CDH20: variants seen among roughly 807,000 people sequenced by gnomAD.
The protein encoded by CDH20 is cadherin 20.
Under a neutral mutation model 74.2 loss-of-function variants are expected in CDH20, and 29 were observed. The observed-to-expected ratio is 0.39, with a 90% CI of 0.29 to 0.53. The LOEUF is 0.53. Ranked by LOEUF, CDH20 falls within the 20% of genes least tolerant of loss-of-function variation. The pLI is 0.69. For missense variants in CDH20, 988 were observed against 1,048.3 expected, an observed-to-expected ratio of 0.94 and a Z score of 0.79; for synonymous variants, 469 against 405.4, an observed-to-expected ratio of 1.16 and a Z score of -1.88.
chr18:61,429,832 T>A (rs1321543836), intron 1 of CDH20, among the ~76,000 whole-genome samples: 3 of 152,218 alleles, frequency 2.0e-5, no homozygotes, highest in African/African-American at 7.2e-5. Context: ...TTACGATTAT[T>A]ATTTCTTCAC....
At chr18:61,458,944 T>C (rs1018930322) in intron 1 of CDH20, among the ~76,000 whole-genome samples, 1 of 152,238 alleles carries the variant, frequency 6.6e-6, no homozygotes, top group Admixed American at 6.5e-5. Context: ...CTTGTTTGTA[T>C]TTACTTGAGA....
At chr18:61,407,493 C>A (rs948954210) in intron 1 of CDH20, among the ~76,000 whole-genome samples, 20 of 152,142 alleles carry the variant, frequency 1.3e-4, no homozygotes, top group Non-Finnish European at 2.5e-4. Context: ...ATTGTATTGG[C>A]CCTTACAAAA....
intron 1 of CDH20, among the ~76,000 whole-genome samples, chr18:61,484,944 G>A (rs1202941943): frequency 6.6e-6 from 1 of 152,192 alleles, no homozygotes; most frequent in Non-Finnish European, 1.5e-5. Flanking sequence ...GTGGTGGGAA[G>A]GAGAGGGAAA....
intron 1 of CDH20, among the ~76,000 whole-genome samples, chr18:61,488,310 ATATAT>A (rs1345262308): frequency 6.6e-6 from 1 of 152,142 alleles, no homozygotes; most frequent in African/African-American, 2.4e-5. Flanking sequence ...AATAACAGAT[ATATAT>A]TATAAGCCCT....
At chr18:61,479,103 C>T (rs1484113827) in intron 1 of CDH20, among the ~76,000 whole-genome samples, 1 of 151,940 alleles carries the variant, frequency 6.6e-6, no homozygotes, top group African/African-American at 2.4e-5. Context: ...ACATCTATTT[C>T]AAACCTTTCT....
At chr18:61,432,034 C>G (rs1392536647) in intron 1 of CDH20, among the ~76,000 whole-genome samples, 1 of 151,910 alleles carries the variant, frequency 6.6e-6, no homozygotes, top group Non-Finnish European at 1.5e-5. Context: ...GTAATGAGGT[C>G]CAGAGTTTGA....
chr18:61,542,939 TC>T (rs1226911295), intron 9 of CDH20, among the ~76,000 whole-genome samples: 2 of 152,092 alleles, frequency 1.3e-5, no homozygotes, highest in Non-Finnish European at 2.9e-5. Context: ...TCATGAGGGA[TC>T]CACCTGGATG....
chr18:61,534,850 T>C (rs1429477887), intron 7 of CDH20, among the ~76,000 whole-genome samples: 1 of 152,186 alleles, frequency 6.6e-6, no homozygotes, highest in East Asian at 1.9e-4. Context: ...GTATTGTATA[T>C]TTCAAAATAG....
At chr18:61,538,785 A>T (rs1437495228) in intron 8 of CDH20, among the ~76,000 whole-genome samples, 4 of 150,802 alleles carry the variant, frequency 2.7e-5, no homozygotes, top group African/African-American at 9.7e-5. Flanking sequence ...CGCCTGGCTA[A>T]TTTTTTGTAT....
At chr18:61,394,656 G>T (rs1486360936) in intron 1 of CDH20, among the ~76,000 whole-genome samples, 1 of 152,164 alleles carries the variant, frequency 6.6e-6, no homozygotes, top group East Asian at 1.9e-4. Context: ...CACTCCATCT[G>T]TGGTACTTTG....
chr18:61,347,341 CA>C (rs1910159239), intron 1 of CDH20, among the ~76,000 whole-genome samples: 1 of 140,972 alleles, frequency 7.1e-6, no homozygotes, highest in African/African-American at 2.8e-5. Flanking sequence ...CACACACACA[CA>C]CACACACACA....
chr18:61,350,123 G>A (rs969537068), intron 1 of CDH20, among the ~76,000 whole-genome samples: 1 of 151,834 alleles, frequency 6.6e-6, no homozygotes, highest in East Asian at 1.9e-4. Context: ...CTCCCACTAG[G>A]TCCCCTCTCT....
At chr18:61,444,302 C>G (rs1303309724) in intron 1 of CDH20, among the ~76,000 whole-genome samples, 1 of 152,030 alleles carries the variant, frequency 6.6e-6, no homozygotes, top group African/African-American at 2.4e-5. Flanking sequence ...GTATATAAGA[C>G]AGGTGTATAC....
At chr18:61,505,399 G>A (rs1911528867) in intron 5 of CDH20, among the ~76,000 whole-genome samples, 1 of 146,952 alleles carries the variant, frequency 6.8e-6, no homozygotes, top group African/African-American at 2.5e-5. Context: ...CTGCAGTGGT[G>A]CAATCACAGC....
intron 1 of CDH20, among the ~76,000 whole-genome samples, chr18:61,416,566 C>G (rs543116122): frequency 1.2e-4 from 19 of 152,338 alleles, no homozygotes; most frequent in Admixed American, 3.9e-4. Context: ...GTTGCTCCAG[C>G]CATCTCATCT....
chr18:61,538,221 A>T (rs965959939), intron 8 of CDH20, among the ~76,000 whole-genome samples: 1 of 152,222 alleles, frequency 6.6e-6, no homozygotes, highest in Admixed American at 6.5e-5. Flanking sequence ...AGAACTGATG[A>T]TTCCACAGGA....
At chr18:61,391,200 G>A (rs928013476) in intron 1 of CDH20, among the ~76,000 whole-genome samples, 4 of 152,088 alleles carry the variant, frequency 2.6e-5, no homozygotes, top group Admixed American at 2.6e-4. Flanking sequence ...AATATAAATG[G>A]TCAGTAAACA....
intron 9 of CDH20, among the ~76,000 whole-genome samples, chr18:61,542,592 C>T (rs1280434920): frequency 6.6e-6 from 1 of 152,174 alleles, no homozygotes; most frequent in African/African-American, 2.4e-5. Flanking sequence ...CACTGGATGT[C>T]GCCCTGGAAG....
At chr18:61,531,072 A>G (rs1912618939) in intron 7 of CDH20, among the ~76,000 whole-genome samples, 2 of 151,972 alleles carry the variant, frequency 1.3e-5, no homozygotes, top group Non-Finnish European at 2.9e-5. Flanking sequence ...TTCCATCTGT[A>G]TCTACACCTT....
Sources: gnomAD v4.1 joint callset for allele counts (sites outside exome capture counted in the v4.1 genomes callset) on GRCh38, gnomAD v4.1.1 for gene constraint, MANE v1.5 for transcripts, NCBI Gene and HGNC (gene_info 2026-07-23, HGNC 2026-07-21) for gene names.